AFG2A: variants seen among roughly 807,000 people sequenced by gnomAD.
The protein encoded by AFG2A is AAA ATPase AFG2A, also known as ATPase family gene 2 protein homolog A.
At chr4:123,241,434 A>T in the AFG2A span, among the ~76,000 whole-genome samples, 3 of 152,228 alleles carry the variant, frequency 2.0e-5, no homozygotes, top group Non-Finnish European at 4.4e-5. Context: ...CTTATCCACT[A>T]TGATCAAGTC....
chr4:123,007,488 C>T, the AFG2A span, among the ~76,000 whole-genome samples: 1 of 150,216 alleles, frequency 6.7e-6, no homozygotes, highest in African/African-American at 2.5e-5. Context: ...TACAGGGGAG[C>T]TGTTTTATTC....
the AFG2A span, among the ~76,000 whole-genome samples, chr4:122,972,114 A>T: frequency 2.2e-4 from 33 of 152,260 alleles, no homozygotes; most frequent in Middle Eastern, 6.8e-3. Flanking sequence ...GGTGACATTT[A>T]TCAGTGAAGC....
chr4:123,167,318 T>C, the AFG2A span, among the ~76,000 whole-genome samples: 1 of 151,270 alleles, frequency 6.6e-6, no homozygotes, highest in Non-Finnish European at 1.5e-5. Context: ...TCTCCATAGG[T>C]TTAATTGTAG....
At chr4:122,994,710 T>C in the AFG2A span, among the ~76,000 whole-genome samples, 1 of 151,250 alleles carries the variant, frequency 6.6e-6, no homozygotes, top group African/African-American at 2.4e-5. Context: ...GTGAACGCAG[T>C]TTTGTAAAGT....
the AFG2A span, among the ~76,000 whole-genome samples, chr4:122,925,131 C>T: frequency 1.3e-5 from 2 of 152,114 alleles, no homozygotes; most frequent in East Asian, 3.9e-4. Flanking sequence ...TAAGAGTCAT[C>T]CATGACTCTC....
At chr4:123,061,672 A>T in the AFG2A span, among the ~76,000 whole-genome samples, 1 of 152,214 alleles carries the variant, frequency 6.6e-6, no homozygotes, top group Admixed American at 6.5e-5. Context: ...GTCAAACCAT[A>T]CCAGCTGCCC....
chr4:122,988,439 A>T, the AFG2A span, among the ~76,000 whole-genome samples: 2 of 145,770 alleles, frequency 1.4e-5, no homozygotes, highest in Admixed American at 1.4e-4. Context: ...TCACTCTGTC[A>T]CCAGGCTGGA....
the AFG2A span, among the ~76,000 whole-genome samples, chr4:122,995,495 G>T: frequency 6.6e-6 from 1 of 152,078 alleles, no homozygotes; most frequent in Non-Finnish European, 1.5e-5. Flanking sequence ...CAAGATTGTA[G>T]TTTTAATCTC....
At chr4:123,318,774 A>AGGGGGGG in the AFG2A span, 1 of 54,636 alleles carries the variant, frequency 1.8e-5, no homozygotes, top group African/African-American at 4.0e-5. Context: ...AAAAAAAAAA[A>AGGGGGGG]AAGGGGGGAA....
the AFG2A span, among the ~76,000 whole-genome samples, chr4:123,232,004 A>C: frequency 1.3e-5 from 2 of 152,066 alleles, no homozygotes; most frequent in Non-Finnish European, 2.9e-5. Context: ...ATAATAATGA[A>C]AAGTTTAAAA....
the AFG2A span, among the ~76,000 whole-genome samples, chr4:123,018,973 A>G: frequency 6.6e-6 from 1 of 152,142 alleles, no homozygotes; most frequent in African/African-American, 2.4e-5. Context: ...CCTTTAGTTT[A>G]AAGTGATCAG....
chr4:123,098,445 C>T, the AFG2A span, among the ~76,000 whole-genome samples: 2 of 151,946 alleles, frequency 1.3e-5, no homozygotes, highest in Admixed American at 6.6e-5. Flanking sequence ...AGTCACCCTA[C>T]AGTACAATAG....
the AFG2A span, among the ~76,000 whole-genome samples, chr4:123,202,702 C>T: frequency 6.6e-6 from 1 of 152,194 alleles, no homozygotes; most frequent in Non-Finnish European, 1.5e-5. Flanking sequence ...ACCCCTATTA[C>T]AGATTCATAT....
chr4:123,069,490 A>G, the AFG2A span, among the ~76,000 whole-genome samples: 4 of 152,138 alleles, frequency 2.6e-5, no homozygotes, highest in East Asian at 5.8e-4. Flanking sequence ...GGGAATACAC[A>G]AAGAAGGAGT....
the AFG2A span, among the ~76,000 whole-genome samples, chr4:123,022,032 T>C: frequency 1.3e-5 from 2 of 151,034 alleles, no homozygotes; most frequent in East Asian, 1.9e-4. Flanking sequence ...ATACAAAAAT[T>C]AATTCAAGAT....
chr4:123,103,789 A>G, the AFG2A span, among the ~76,000 whole-genome samples: 88 of 152,288 alleles, frequency 5.8e-4, no homozygotes, highest in Middle Eastern at 6.8e-3. Flanking sequence ...CAACATGTCC[A>G]TACAGTGAAA....
the AFG2A span, among the ~76,000 whole-genome samples, chr4:123,038,672 T>C: frequency 6.6e-6 from 1 of 152,118 alleles, no homozygotes; most frequent in Non-Finnish European, 1.5e-5. Context: ...CATAGTCCTG[T>C]ACAAAGTCAT....
At chr4:123,016,727 G>A in the AFG2A span, among the ~76,000 whole-genome samples, 820 of 152,070 alleles carry the variant, frequency 5.4e-3, 7 homozygotes, top group African/African-American at 0.018. Context: ...GGTGGCGGCC[G>A]GGCAGAGGCT....
the AFG2A span, among the ~76,000 whole-genome samples, chr4:122,930,854 T>C: frequency 2.6e-5 from 4 of 152,204 alleles, no homozygotes; most frequent in Non-Finnish European, 5.9e-5. Flanking sequence ...TGAGTAATGA[T>C]TGCTTATTAG....
Sources: gnomAD v4.1 joint callset for allele counts (sites outside exome capture counted in the v4.1 genomes callset) on GRCh38, gnomAD v4.1.1 for gene constraint, MANE v1.5 for transcripts, NCBI Gene and HGNC (gene_info 2026-07-23, HGNC 2026-07-21) for gene names.